PSD3: variants seen among roughly 807,000 people sequenced by gnomAD.
PSD3 encodes the protein PH and SEC7 domain-containing protein 3.
PSD3 carries 49 observed loss-of-function variants against 105.5 expected under a neutral mutation model. The observed-to-expected ratio is 0.46, with a 90% CI of 0.37 to 0.59. PSD3 has a LOEUF of 0.59. PSD3 is among the 20% of genes least tolerant of loss of function. The pLI is 0.00. For synonymous variants in PSD3, 557 were observed against 457.8 expected, an observed-to-expected ratio of 1.22 and a Z score of -2.77; for missense variants, 1,561 against 1,263.8, an observed-to-expected ratio of 1.24 and a Z score of -3.57.
At chr8:18,777,470 T>TC (rs886256398) in intron 8 of PSD3, among the ~76,000 whole-genome samples, 43 of 152,260 alleles carry the variant, frequency 2.8e-4, no homozygotes, top group African/African-American at 1.0e-3. Flanking sequence ...TGAGTTTTTT[T>TC]CCCATGCTTT....
chr8:18,943,822 T>C (rs1484049049), intron 1 of PSD3, among the ~76,000 whole-genome samples: 1 of 152,130 alleles, frequency 6.6e-6, no homozygotes, highest in African/African-American at 2.4e-5. Flanking sequence ...ATTTGTATGC[T>C]GGATGTTAAG....
chr8:18,604,790 A>C, intron 11 of PSD3, among the ~76,000 whole-genome samples: 1 of 152,186 alleles, frequency 6.6e-6, no homozygotes, highest in East Asian at 1.9e-4. Flanking sequence ...CTCCAGGTTC[A>C]GCCATGGCTC....
intron 9 of PSD3, among the ~76,000 whole-genome samples, chr8:18,746,537 C>G (rs916489620): frequency 6.6e-6 from 1 of 152,112 alleles, no homozygotes. Context: ...GTCAGGGGTC[C>G]CCACCTTGCG....
intron 9 of PSD3, among the ~76,000 whole-genome samples, chr8:18,724,621 T>TAAATAA (rs758392345): frequency 1.3e-5 from 2 of 151,578 alleles, no homozygotes; most frequent in African/African-American, 4.8e-5. Flanking sequence ...CTAAAAAAAA[T>TAAATAA]AAATAAAAAT....
At chr8:18,859,106 A>G (rs1283031260) in intron 4 of PSD3, among the ~76,000 whole-genome samples, 9 of 152,168 alleles carry the variant, frequency 5.9e-5, no homozygotes, top group Non-Finnish European at 1.0e-4. Context: ...TGGTTTGCAG[A>G]ATGGATATTG....
chr8:18,580,205 G>A (rs1802721886), intron 12 of PSD3, among the ~76,000 whole-genome samples: 2 of 151,954 alleles, frequency 1.3e-5, no homozygotes, highest in Admixed American at 1.3e-4. Flanking sequence ...AAATAAAAAC[G>A]CCATGAGCTC....
intron 9 of PSD3, among the ~76,000 whole-genome samples, chr8:18,730,699 C>T (rs1324720191): frequency 6.6e-6 from 1 of 152,148 alleles, no homozygotes; most frequent in Non-Finnish European, 1.5e-5. Flanking sequence ...CAGCTAATTG[C>T]CTCAGCTGTA....
chr8:19,019,251 AT>A (rs79894004), intron 1 of PSD3, among the ~76,000 whole-genome samples: 14,603 of 151,456 alleles, frequency 0.096, 880 homozygotes, highest in Non-Finnish European at 0.14. Flanking sequence ...TCATCAACTC[AT>A]TTTTTTTTAT....
intron 9 of PSD3, among the ~76,000 whole-genome samples, chr8:18,694,708 G>C (rs1445724892): frequency 6.6e-6 from 1 of 151,842 alleles, no homozygotes; most frequent in Admixed American, 6.6e-5. Flanking sequence ...GGGTGCAGTG[G>C]TTCACATGTG....
intron 11 of PSD3, among the ~76,000 whole-genome samples, chr8:18,627,003 T>C (rs1246791772): frequency 6.6e-6 from 1 of 151,836 alleles, no homozygotes; most frequent in Admixed American, 6.6e-5. Flanking sequence ...AGCTTAGTTC[T>C]GCTTATGCCC....
rs1440961780 is a variant in PSD3 at position 18,529,540 on chromosome 8, G to C, written c.*6203C>G. On this transcript the variant is annotated 3_prime_UTR_variant, in exon 16 of 16. Transcript: ENST00000327040. Reference sequence around the variant, plus strand: ...GGAGGAGAGGACTAACCACATGCATGGTTACCCTAAATGGAAAGCAACCAC... The same window carrying C: ...GGAGGAGAGGACTAACCACATGCATCGTTACCCTAAATGGAAAGCAACCAC... 1.3e-5 allele frequency: 2 copies of C among 152,510 alleles called. No individual in the cohort carries two copies. Among genetic ancestry groups the C allele is most frequent in the African/African-American group, 2.4e-5 (1 of 41,430 alleles). The allele number at this position is 152,510 out of a possible 1,614,324, so 9.4% of individuals were successfully genotyped here.
At chr8:18,925,589 G>A (rs2467999) in intron 2 of PSD3, among the ~76,000 whole-genome samples, 3,038 of 152,038 alleles carry the variant, frequency 0.02, 104 homozygotes, top group African/African-American at 0.068. Context: ...TAACACAAGC[G>A]GATGATGACA....
intron 1 of PSD3, among the ~76,000 whole-genome samples, chr8:19,042,744 G>A (rs1828165915): frequency 1.3e-5 from 2 of 152,140 alleles, no homozygotes; most frequent in South Asian, 2.1e-4. Context: ...ACAGACTTGG[G>A]CATCTTAATT....
chr8:18,716,883 ATGTG>A (rs970530415), intron 9 of PSD3, among the ~76,000 whole-genome samples: 64 of 152,340 alleles, frequency 4.2e-4, no homozygotes, highest in African/African-American at 1.5e-3. Flanking sequence ...GATACAGCAC[ATGTG>A]TGAGCATGAT....
chr8:18,927,877 C>A (rs1430356185), intron 2 of PSD3, among the ~76,000 whole-genome samples: 1 of 152,240 alleles, frequency 6.6e-6, no homozygotes, highest in Non-Finnish European at 1.5e-5. Context: ...CACAATATCA[C>A]ACCCTCATAC....
chr8:18,623,966 T>C (rs983103076), intron 11 of PSD3, among the ~76,000 whole-genome samples: 2 of 152,238 alleles, frequency 1.3e-5, no homozygotes, highest in African/African-American at 2.4e-5. Context: ...TTCCTCCATG[T>C]TGATACGTGG....
chr8:18,940,465 T>G (rs769286081), intron 1 of PSD3: 28 of 152,184 alleles, frequency 1.8e-4, no homozygotes, highest in Non-Finnish European at 3.4e-4. Flanking sequence ...AAGTGAAACA[T>G]TTTTTAAAAG....
rs537087587 is a variant in PSD3, at chr8:18,967,423, C to T, written c.22-31281G>A. ...ACTCCCAAAGTGCTGGGATTACAGG[C>T]GTGAGCCACCGCGCCTGGCCAGGAT... On this transcript the variant is annotated intron_variant, in intron 1 of 15. Transcript: ENST00000327040. Among the ~76,000 whole-genome samples, 8 of 152,166 alleles carry T rather than the reference C, an allele frequency of 5.3e-5. 1 individual carries two copies. In the South Asian group the frequency reaches 1.5e-3, roughly 28 times the overall value.
intron 1 of PSD3, among the ~76,000 whole-genome samples, chr8:18,939,406 A>T (rs1367481524): frequency 6.6e-6 from 1 of 152,226 alleles, no homozygotes; most frequent in African/African-American, 2.4e-5. Context: ...TTTTCATATC[A>T]TCTAACAGTT....
Sources: gnomAD v4.1 joint callset for allele counts (sites outside exome capture counted in the v4.1 genomes callset) on GRCh38, gnomAD v4.1.1 for gene constraint, MANE v1.5 for transcripts, NCBI Gene and HGNC (gene_info 2026-07-23, HGNC 2026-07-21) for gene names.